Variants in KDM6A observed in about 807,000 individuals in gnomAD.
KDM6A encodes lysine demethylase 6A.
Under a neutral mutation model 117.6 loss-of-function variants are expected in KDM6A, and 11 were observed. The ratio of observed to expected loss-of-function variants is 0.09; its 90% confidence interval spans 0.06 to 0.15. The LOEUF (loss-of-function observed/expected upper bound fraction) is 0.15. KDM6A is among the 10% of genes least tolerant of loss of function. The pLI is 1.00. For missense variants in KDM6A, 799 were observed against 1,077.3 expected (o/e 0.74, Z 3.62); for synonymous variants, 384 against 396.1 (o/e 0.97, Z 0.36).
At chrX:45,075,833 A>G (rs1357866319) in intron 18 of KDM6A, among the ~76,000 whole-genome samples, 6 of 111,830 alleles carry the variant, frequency 5.4e-5, no homozygotes, top group African/African-American at 1.9e-4. Flanking sequence ...ATTTCAAATT[A>G]TTACTTGAAA....
intron 7 of KDM6A, among the ~76,000 whole-genome samples, chrX:45,036,017 T>A (rs2042798322): frequency 1.8e-5 from 2 of 112,327 alleles, no homozygotes. Context: ...AAATTTTTAA[T>A]TGGTATAAGA....
At chrX:45,048,603 T>C (rs2147896768) in intron 8 of KDM6A, among the ~76,000 whole-genome samples, 1 of 110,162 alleles carries the variant, frequency 9.1e-6, no homozygotes, top group African/African-American at 3.3e-5. Flanking sequence ...TTCTTCAGCC[T>C]AGTAAGACTG....
chrX:44,988,917 A>G (rs1461279888), intron 4 of KDM6A, among the ~76,000 whole-genome samples: 2 of 110,156 alleles, frequency 1.8e-5, no homozygotes, highest in African/African-American at 6.6e-5. Flanking sequence ...TGGGAGAACC[A>G]CTGCTGTCTT....
chrX:44,890,100 A>G (rs757810287), intron 2 of KDM6A, among the ~76,000 whole-genome samples: 11 of 111,933 alleles, frequency 9.8e-5, no homozygotes, highest in Non-Finnish European at 2.1e-4. Flanking sequence ...GCTGGCAACC[A>G]CTAACCCATT....
chrX:45,087,217 C>T (rs2045681573), intron 25 of KDM6A, among the ~76,000 whole-genome samples: 1 of 112,655 alleles, frequency 8.9e-6, no homozygotes, highest in South Asian at 3.6e-4. Flanking sequence ...TCTCGAACTC[C>T]TGACCTCGTG....
At chrX:45,095,754 A>G (rs1353499572) in intron 27 of KDM6A, among the ~76,000 whole-genome samples, 1 of 111,349 alleles carries the variant, frequency 9.0e-6, no homozygotes, top group Admixed American at 9.5e-5. Context: ...TTGGCTTTCT[A>G]CCCTTGGTAA....
chrX:44,922,780 T>A lies in KDM6A; in HGVS notation c.226-38504T>A, dbSNP rs778825093. ...CACTGCGCCCGGCCTAATTTGAATA[T>A]TCTTAAAATGTTGAGTTTTGAATGT... On this transcript the variant is annotated intron_variant, in intron 2 of 29. Coordinates refer to ENST00000611820, the MANE Select transcript of KDM6A (RefSeq NM_001291415.2). Among the ~76,000 whole-genome samples the A allele has an allele frequency of 8.8e-5, 10 of 113,135 alleles. No individual in the cohort carries two copies. The South Asian group carries it at 3.5e-3, about 40-fold the overall frequency.
intron 2 of KDM6A, among the ~76,000 whole-genome samples, chrX:44,884,234 T>C (rs2032619538): frequency 1.8e-5 from 2 of 109,349 alleles, no homozygotes; most frequent in Admixed American, 9.9e-5. Flanking sequence ...ACTGAACATG[T>C]GAGAAGCCCC....
chrX:44,951,411 TTATACA>T (rs888005239), intron 2 of KDM6A, among the ~76,000 whole-genome samples: 1 of 111,908 alleles, frequency 8.9e-6, no homozygotes, highest in Non-Finnish European at 1.9e-5. Flanking sequence ...GTGTATTATT[TTATACA>T]TATACATATG....
chrX:44,943,314 A>C (rs1405496484), intron 2 of KDM6A, among the ~76,000 whole-genome samples: 1 of 111,077 alleles, frequency 9.0e-6, no homozygotes, highest in African/African-American at 3.3e-5. Flanking sequence ...TTACATCTAA[A>C]AGAAGTGTAT....
At position 44,914,770 on chromosome X, in the gene KDM6A, C is replaced by T. The variant is rs939468499; in HGVS notation, c.225+40783C>T. On this transcript the variant is annotated intron_variant, in intron 2 of 29. Coordinates refer to ENST00000611820, the MANE Select transcript of KDM6A (RefSeq NM_001291415.2). ...GTAATACCACCCTTCTTATTTACAT[C>T]TAGTATACTTTCTTGAGTGGTTGGA... is the stretch of plus-strand genomic sequence containing the variant. 4.5e-5 allele frequency among the ~76,000 whole-genome samples: 5 copies of T among 110,226 alleles called. 1 individual carries two copies. In the South Asian group the frequency reaches 1.9e-3, roughly 43 times the overall value.
At chrX:44,900,290 C>T (rs761482965) in intron 2 of KDM6A, among the ~76,000 whole-genome samples, 21 of 111,531 alleles carry the variant, frequency 1.9e-4, no homozygotes, top group Non-Finnish European at 3.8e-4. Context: ...GAAGGAGAGG[C>T]GGTACGTACA....
chrX:45,068,657 C>T (rs959932798), intron 17 of KDM6A, among the ~76,000 whole-genome samples: 1 of 108,329 alleles, frequency 9.2e-6, no homozygotes, highest in South Asian at 4.1e-4. Flanking sequence ...GCTCAAACTC[C>T]TGGGCTCAAG....
chrX:45,063,569 C>T lies in KDM6A; in HGVS notation c.1831C>T (p.Arg611Cys), dbSNP rs761667415. ...RVPSVSQPGV[R>C]PACPGQPLAN... ...GCCTAGCGTCTCTCAGCCTGGAGTC[C>T]GTCCTGCCTGCCCTGGGCAGCCTTT... The change falls in exon 17 of 30, where the codon CGT becomes TGT. Residue 611 changes from arginine to cysteine, a missense_variant. Arg to Cys is a radical substitution (Grantham distance 180, BLOSUM62 -3). Transcript: ENST00000611820. 3.3e-6 allele frequency: 4 copies of T among 1,209,825 alleles called. No homozygotes were observed. The highest frequency in any genetic ancestry group is 2.3e-4 in the Middle Eastern group (1 of 4,375).
chrX:45,093,303 G>A (rs2148216127), intron 27 of KDM6A, among the ~76,000 whole-genome samples: 1 of 107,439 alleles, frequency 9.3e-6, no homozygotes, highest in South Asian at 4.2e-4. Context: ...GGGGTGGTGG[G>A]GCGGGGGGTT....
At chrX:45,003,891 TCCCCCTTCCACC>T (rs957436680) in intron 4 of KDM6A, among the ~76,000 whole-genome samples, 1 of 72,310 alleles carries the variant, frequency 1.4e-5, no homozygotes, top group African/African-American at 5.3e-5. Context: ...CTCCCCCTTC[TCCCCCTTCCACC>T]CCCTCTTCCA....
chrX:45,072,946 A>T, intron 18 of KDM6A, among the ~76,000 whole-genome samples: 1 of 108,760 alleles, frequency 9.2e-6, no homozygotes. Flanking sequence ...ATAGGTATAC[A>T]TGTGCCATGC....
At chrX:45,100,844 C>CTT (rs1225443312) in intron 27 of KDM6A, among the ~76,000 whole-genome samples, 1 of 102,395 alleles carries the variant, frequency 9.8e-6, no homozygotes. Flanking sequence ...TTTCTTTCTT[C>CTT]TTTTTTTTTT....
chrX:45,015,090 C>CTTTCT (rs369410273), intron 5 of KDM6A, among the ~76,000 whole-genome samples: 10 of 109,451 alleles, frequency 9.1e-5, no homozygotes, highest in South Asian at 3.8e-4. Flanking sequence ...CTTCTTTTTT[C>CTTTCT]TTTCTTTTCT....
Sources: allele counts gnomAD v4.1 joint callset (sites outside exome capture counted in the v4.1 genomes callset), GRCh38; gene constraint gnomAD v4.1.1; transcripts MANE v1.5; gene names NCBI Gene and HGNC (gene_info 2026-07-23, HGNC 2026-07-21).